TSPAN15: variants seen among roughly 807,000 people sequenced by gnomAD.
The protein encoded by TSPAN15 is tetraspanin-15.
Under a neutral mutation model 34.5 loss-of-function variants are expected in TSPAN15, and 20 were observed. That is an observed-to-expected ratio of 0.58 (90% confidence interval 0.41 to 0.84). TSPAN15 has a LOEUF of 0.84. Ranked by LOEUF, TSPAN15 falls within the 40% of genes least tolerant of loss-of-function variation. The probability of loss-of-function intolerance (pLI) is 0.00; values close to 1 mark genes in which losing one functional copy is unlikely to be tolerated. For missense variants in TSPAN15, 313 were observed against 386.1 expected (o/e 0.81, Z 1.59); for synonymous variants, 155 against 153.9 (o/e 1.01, Z -0.05).
intron 5 of TSPAN15, 49 bp downstream of exon 5, chr10:69,498,445 G>A: frequency 1.4e-6 from 2 of 1,455,376 alleles, no homozygotes; most frequent in Non-Finnish European, 1.9e-6. Flanking sequence ...GACCCCAGGT[G>A]GTATAAATGT....
intron 1 of TSPAN15, among the ~76,000 whole-genome samples, chr10:69,456,119 G>A (rs1418745462): frequency 2.0e-5 from 3 of 149,048 alleles, no homozygotes; most frequent in Admixed American, 1.3e-4. Flanking sequence ...ACAGAGCCTC[G>A]CTCTTTCACC....
intron 1 of TSPAN15, among the ~76,000 whole-genome samples, chr10:69,471,728 A>T (rs571439569): frequency 2.0e-5 from 3 of 151,924 alleles, no homozygotes; most frequent in South Asian, 4.2e-4. Context: ...AGTAGCTGGG[A>T]TCACAGAGCC....
chr10:69,451,712 CG>C (rs1204949692), intron 1 of TSPAN15, 22 bp downstream of exon 1: 38 of 1,439,618 alleles, frequency 2.6e-5, no homozygotes, highest in Non-Finnish European at 2.7e-5. Flanking sequence ...CAGTAGGGCC[CG>C]GGGATGGGGG....
chr10:69,469,141 T>G, intron 1 of TSPAN15, among the ~76,000 whole-genome samples: 1 of 151,692 alleles, frequency 6.6e-6, no homozygotes. Flanking sequence ...TCTCAACCAG[T>G]AGAAGAGAAA....
At chr10:69,525,478 T>A in the TSPAN15 span, among the ~76,000 whole-genome samples, 19 of 94,432 alleles carry the variant, frequency 2.0e-4, 2 homozygotes, top group African/African-American at 2.6e-4. Flanking sequence ...AAGAACCTCA[T>A]CTCTTAAAAA....
At chr10:69,527,877 C>A in the TSPAN15 span, among the ~76,000 whole-genome samples, 1 of 147,560 alleles carries the variant, frequency 6.8e-6, no homozygotes, top group Non-Finnish European at 1.5e-5. Context: ...GGATATGGAG[C>A]TGCTTTTTGA....
chr10:69,510,002 T>A (rs1237091607), downstream of TSPAN15, among the ~76,000 whole-genome samples: 1 of 152,190 alleles, frequency 6.6e-6, no homozygotes, highest in African/African-American at 2.4e-5. Context: ...TAGTTTGAAG[T>A]CAGGAAGTGT....
chr10:69,534,286 T>C, the TSPAN15 span, among the ~76,000 whole-genome samples: 1 of 152,192 alleles, frequency 6.6e-6, no homozygotes, highest in Non-Finnish European at 1.5e-5. Flanking sequence ...GGGAACATTG[T>C]TTCCATTGCC....
At chr10:69,458,587 T>C (rs1402981192) in intron 1 of TSPAN15, among the ~76,000 whole-genome samples, 2 of 152,158 alleles carry the variant, frequency 1.3e-5, no homozygotes, top group African/African-American at 4.8e-5. Context: ...ATTGGAGAAG[T>C]GGCCAGCCGT....
chr10:69,518,512 C>T, the TSPAN15 span, among the ~76,000 whole-genome samples: 38 of 152,324 alleles, frequency 2.5e-4, no homozygotes, highest in African/African-American at 8.9e-4. Flanking sequence ...CAATCTCCAC[C>T]TCGTGGGTTC....
intron 1 of TSPAN15, among the ~76,000 whole-genome samples, chr10:69,454,114 G>GGA (rs1841032147): frequency 6.6e-6 from 1 of 152,200 alleles, no homozygotes; most frequent in Non-Finnish European, 1.5e-5. Flanking sequence ...AGGGTTACTT[G>GGA]CTTTGTAAGT....
the TSPAN15 span, among the ~76,000 whole-genome samples, chr10:69,545,644 G>A: frequency 3.9e-5 from 6 of 152,348 alleles, no homozygotes; most frequent in Non-Finnish European, 7.3e-5. Context: ...AGGTAGCTGA[G>A]GCTGGCTAAC....
chr10:69,456,091 CTTT>C (rs34066900), intron 1 of TSPAN15, among the ~76,000 whole-genome samples: 1 of 145,262 alleles, frequency 6.9e-6, no homozygotes. Flanking sequence ...AATTTACTTA[CTTT>C]TTTTTTTTTT....
At chr10:69,459,105 CAAAAAAAA>C (rs1259881929) in intron 1 of TSPAN15, among the ~76,000 whole-genome samples, 1 of 57,734 alleles carries the variant, frequency 1.7e-5, no homozygotes, top group Non-Finnish European at 3.9e-5. Flanking sequence ...ACAAAACAGA[CAAAAAAAA>C]AAAAAAAAAA....
At chr10:69,530,810 C>CTG in the TSPAN15 span, among the ~76,000 whole-genome samples, 12 of 68,640 alleles carry the variant, frequency 1.7e-4, no homozygotes, top group African/African-American at 6.2e-4. Flanking sequence ...CTCTCTCTCT[C>CTG]TCTCTCTCTC....
chr10:69,455,151 A>AG (rs1841058187), intron 1 of TSPAN15, among the ~76,000 whole-genome samples: 1 of 150,220 alleles, frequency 6.7e-6, no homozygotes, highest in African/African-American at 2.4e-5. Context: ...ACAGTCTCAA[A>AG]AAAAAAAAAA....
downstream of TSPAN15, chr10:69,507,798 A>C (rs1589658572): frequency 1.4e-5 from 7 of 507,824 alleles, no homozygotes; most frequent in Non-Finnish European, 2.1e-5. Context: ...AGCTTGGGAT[A>C]CAGGTGGGGG....
chr10:69,543,134 T>C, the TSPAN15 span, among the ~76,000 whole-genome samples: 7 of 152,230 alleles, frequency 4.6e-5, no homozygotes, highest in African/African-American at 9.6e-5. Context: ...CTCTGGAAGA[T>C]GTCTGAATAC....
chr10:69,454,856 A>G (rs1841049540), intron 1 of TSPAN15, among the ~76,000 whole-genome samples: 1 of 152,060 alleles, frequency 6.6e-6, no homozygotes, highest in East Asian at 1.9e-4. Flanking sequence ...AAATGCATGC[A>G]TGGGCTTGTT....
Sources: allele counts gnomAD v4.1 joint callset (sites outside exome capture counted in the v4.1 genomes callset), GRCh38; gene constraint gnomAD v4.1.1; transcripts MANE v1.5; gene names NCBI Gene and HGNC (gene_info 2026-07-23, HGNC 2026-07-21).